PARVA: variants seen among roughly 807,000 people sequenced by gnomAD.
The protein encoded by PARVA is alpha-parvin.
Under a neutral mutation model 52.6 loss-of-function variants are expected in PARVA, and 25 were observed. The observed-to-expected ratio is 0.48, with a 90% CI of 0.35 to 0.66. The LOEUF (loss-of-function observed/expected upper bound fraction) is 0.66. PARVA is among the 30% of genes least tolerant of loss of function. PARVA has a pLI of 0.01. For missense variants in PARVA, 373 were observed against 450.9 expected, an observed-to-expected ratio of 0.83 and a Z score of 1.56; for synonymous variants, 185 against 179.1, an observed-to-expected ratio of 1.03 and a Z score of -0.26.
chr11:12,512,456 C>T (rs2135077024), intron 8 of PARVA, among the ~76,000 whole-genome samples: 1 of 152,334 alleles, frequency 6.6e-6, no homozygotes, highest in African/African-American at 2.4e-5. Context: ...CTCGCACCCT[C>T]CCAGCCCCAG....
intron 1 of PARVA, among the ~76,000 whole-genome samples, chr11:12,437,674 A>G (rs1940405164): frequency 6.6e-6 from 1 of 152,240 alleles, no homozygotes; most frequent in African/African-American, 2.4e-5. Flanking sequence ...ATAAAAGAGC[A>G]TCAAGGCTGT....
At chr11:12,487,178 G>T (rs146713428) in intron 4 of PARVA, among the ~76,000 whole-genome samples, 4 of 152,310 alleles carry the variant, frequency 2.6e-5, no homozygotes, top group East Asian at 3.9e-4. Context: ...GGTGGATGTT[G>T]AACAGGTATG....
At position 12,414,789 on chromosome 11, in the gene PARVA, C is replaced by T. The variant is rs184083866; in HGVS notation, c.136+37006C>T. On this transcript the variant is annotated intron_variant, in intron 1 of 12. Transcript: ENST00000334956. ...AATTAGATTCTTACAGCGTTAGTTG[C>T]GTGGAGCCATCTGCAGGGCTAGGCC... 1.4e-4 allele frequency among the ~76,000 whole-genome samples: 22 copies of T among 152,308 alleles called. No homozygotes were observed. The East Asian group carries it at 3.9e-3, about 27-fold the overall frequency.
chr11:12,516,272 GTGGCCTTCTC>G, intron 10 of PARVA, among the ~76,000 whole-genome samples: 1 of 152,360 alleles, frequency 6.6e-6, no homozygotes, highest in East Asian at 1.9e-4. Flanking sequence ...TCCAAGAAAT[GTGGCCTTCTC>G]TAAACCCCAG....
At position 12,514,187 on chromosome 11, in the gene PARVA, C is replaced by G. The variant is rs961960433; in HGVS notation, c.867+122C>G. 1.7e-5 allele frequency: 12 copies of G among 701,830 alleles called. No homozygotes were observed. The African/African-American group carries it at 1.8e-4, about 10-fold the overall frequency. The allele number at this position is 701,830 out of a possible 1,614,324, so 43.5% of individuals were successfully genotyped here. On this transcript the variant is annotated intron_variant, in intron 10 of 12. Coordinates refer to ENST00000334956, the MANE Select transcript of PARVA (RefSeq NM_018222.5). ...CTGAGGGGGATGAGGGCATGGGAATCTGTCCTACTCTGAGGGGTGGACTGA... is the reference window on the plus strand; with the variant it reads ...CTGAGGGGGATGAGGGCATGGGAATGTGTCCTACTCTGAGGGGTGGACTGA...
chr11:12,381,406 T>G (rs982196031), intron 1 of PARVA, among the ~76,000 whole-genome samples: 9 of 152,214 alleles, frequency 5.9e-5, no homozygotes, highest in Admixed American at 1.3e-4. Flanking sequence ...TCTCAGTGCT[T>G]TGGTGTAGCA....
chr11:12,527,640 G>T (rs989106270), intron 12 of PARVA, among the ~76,000 whole-genome samples: 1 of 152,140 alleles, frequency 6.6e-6, no homozygotes, highest in African/African-American at 2.4e-5. Flanking sequence ...TGTGGGGAGG[G>T]TCAGGCCTTC....
At chr11:12,526,593 C>T (rs1020637890) in intron 12 of PARVA, among the ~76,000 whole-genome samples, 5 of 152,130 alleles carry the variant, frequency 3.3e-5, no homozygotes, top group African/African-American at 9.7e-5. Flanking sequence ...AAAGTAATGC[C>T]GGCTCCCAAG....
chr11:12,425,919 C>A (rs1459789311), intron 1 of PARVA, among the ~76,000 whole-genome samples: 1 of 152,146 alleles, frequency 6.6e-6, no homozygotes, highest in African/African-American at 2.4e-5. Context: ...CTATTATAAC[C>A]TATTTGGAGA....
At position 12,513,975 on chromosome 11, in the gene PARVA, G is replaced by T. The variant is rs374896515; in HGVS notation, c.799-22G>T. The T allele has an allele frequency of 2.9e-5, 46 of 1,610,028 alleles. No individual in the cohort carries two copies. The African/African-American group carries it at 4.8e-4, about 17-fold the overall frequency. ...CACTAGTGCGAGTCCCCAGCTTAGGGCCTGCTTTGCTTCTCTTTTAGACAC... is the reference window on the plus strand; with the variant it reads ...CACTAGTGCGAGTCCCCAGCTTAGGTCCTGCTTTGCTTCTCTTTTAGACAC... On this transcript the variant is annotated intron_variant, in intron 9 of 12. Coordinates refer to ENST00000334956, the MANE Select transcript of PARVA (RefSeq NM_018222.5).
At chr11:12,440,344 G>T (rs745950666) in intron 1 of PARVA, among the ~76,000 whole-genome samples, 2 of 152,278 alleles carry the variant, frequency 1.3e-5, no homozygotes, top group South Asian at 4.1e-4. Flanking sequence ...AGAAGCTAAG[G>T]GGGAGAGTCC....
At chr11:12,492,789 G>C (rs1029741688) in intron 4 of PARVA, among the ~76,000 whole-genome samples, 1 of 151,974 alleles carries the variant, frequency 6.6e-6, no homozygotes, top group Admixed American at 6.6e-5. Context: ...AAATCTGTAA[G>C]GCAATAGCTT....
At chr11:12,518,698 G>A (rs1474719341) in intron 12 of PARVA, among the ~76,000 whole-genome samples, 181 bp downstream of exon 12, 1 of 152,188 alleles carries the variant, frequency 6.6e-6, no homozygotes, top group Admixed American at 6.5e-5. Context: ...ACAGCCAGGG[G>A]AAGAAAAGAA....
intron 1 of PARVA, among the ~76,000 whole-genome samples, chr11:12,461,654 C>A (rs1271757333): frequency 2.0e-5 from 3 of 152,192 alleles, no homozygotes; most frequent in Admixed American, 2.0e-4. Flanking sequence ...CCTTCCATGC[C>A]TACGAGCAAT....
At chr11:12,523,621 G>T (rs751683585) in intron 12 of PARVA, among the ~76,000 whole-genome samples, 2 of 152,096 alleles carry the variant, frequency 1.3e-5, no homozygotes, top group Admixed American at 6.6e-5. Flanking sequence ...ATACCTCTGG[G>T]GGGGAGGAGC....
chr11:12,420,902 C>T (rs1460780814), intron 1 of PARVA, among the ~76,000 whole-genome samples: 6 of 152,142 alleles, frequency 3.9e-5, no homozygotes, highest in Admixed American at 3.3e-4. Flanking sequence ...CCTCTTCACA[C>T]CACCCCACCC....
At position 12,530,729 on chromosome 11, in the gene PARVA, C is replaced by T. The variant is rs1941762337; in HGVS notation, c.*2804C>T. On this transcript the variant is annotated 3_prime_UTR_variant, in exon 13 of 13. Transcript: ENST00000334956. Reference sequence around the variant, plus strand: ...CTGTCATACACTTTGTTTTTTATCACTTAATGTTATATCTTGGATATTGTA... The same window carrying T: ...CTGTCATACACTTTGTTTTTTATCATTTAATGTTATATCTTGGATATTGTA... 6.6e-6 allele frequency: 1 copy of T among 151,922 alleles called. No individual in the cohort carries two copies. Among genetic ancestry groups the T allele is most frequent in the African/African-American group, 2.4e-5 (1 of 41,330 alleles). The allele number at this position is 151,922 out of a possible 1,614,324, so 9.4% of individuals were successfully genotyped here. A position where few individuals can be genotyped will look rare whatever the true frequency, so the allele number is the denominator to read the frequency against.
Position 12,428,398 on chromosome 11 carries a change from A to G in PARVA, c.137-45347A>G, listed in dbSNP as rs555678948. Reference sequence around the variant, plus strand: ...CTAAATGCTAACAGTAGGGCACTCAATCATTCATGCAGACATGTATGCTTC... The same window carrying G: ...CTAAATGCTAACAGTAGGGCACTCAGTCATTCATGCAGACATGTATGCTTC... On this transcript the variant is annotated intron_variant, in intron 1 of 12. Coordinates refer to ENST00000334956, the MANE Select transcript of PARVA (RefSeq NM_018222.5). Among the ~76,000 whole-genome samples the G allele has an allele frequency of 2.6e-5, 4 of 152,318 alleles. No individual in the cohort carries two copies. The South Asian group carries it at 6.2e-4, about 24-fold the overall frequency.
At chr11:12,522,643 T>C (rs574028733) in intron 12 of PARVA, among the ~76,000 whole-genome samples, 2 of 152,170 alleles carry the variant, frequency 1.3e-5, no homozygotes, top group South Asian at 2.1e-4. Flanking sequence ...GGTCTTGAAC[T>C]CCTGATCTCA....
Sources: gnomAD v4.1 joint callset for allele counts (sites outside exome capture counted in the v4.1 genomes callset) on GRCh38, gnomAD v4.1.1 for gene constraint, MANE v1.5 for transcripts, NCBI Gene and HGNC (gene_info 2026-07-23, HGNC 2026-07-21) for gene names.